Variants in ZNF804B observed in about 807,000 individuals in gnomAD.
The protein encoded by ZNF804B is zinc finger 804B.
Under a neutral mutation model 101.4 loss-of-function variants are expected in ZNF804B, and 80 were observed. The observed-to-expected ratio is 0.79, with a 90% CI of 0.66 to 0.95. ZNF804B has a LOEUF of 0.95. ZNF804B is among the 40% of genes least tolerant of loss of function. The probability of loss-of-function intolerance (pLI) is 0.00; values close to 1 mark genes in which losing one functional copy is unlikely to be tolerated. For missense variants in ZNF804B, 1,673 were observed against 1,561.9 expected (o/e 1.07, Z -1.20); for synonymous variants, 622 against 558.8 (o/e 1.11, Z -1.59).
rs1790582717 is a variant in ZNF804B at position 89,307,472 on chromosome 7, T to C, written c.250-19872T>C. On this transcript the variant is annotated intron_variant, in intron 2 of 3. Coordinates refer to ENST00000333190, the MANE Select transcript of ZNF804B (RefSeq NM_181646.5). Reference sequence around the variant, plus strand: ...CATACTTTACTGGAAAATCTGAGAATGGCCAATATTGGAACAATGCAGCTC... The same window carrying C: ...CATACTTTACTGGAAAATCTGAGAACGGCCAATATTGGAACAATGCAGCTC... Among the ~76,000 whole-genome samples, 3 of 152,122 alleles carry C rather than the reference T, an allele frequency of 2.0e-5. No homozygotes were observed. The South Asian group carries it at 6.2e-4, about 32-fold the overall frequency.
intron 1 of ZNF804B, among the ~76,000 whole-genome samples, chr7:89,168,247 A>G (rs1791172527): frequency 6.6e-6 from 1 of 152,058 alleles, no homozygotes; most frequent in Non-Finnish European, 1.5e-5. Flanking sequence ...ACACAAATCA[A>G]TGGTACTAAA....
intron 2 of ZNF804B, among the ~76,000 whole-genome samples, chr7:89,256,080 A>G (rs1176007946): frequency 6.6e-6 from 1 of 152,154 alleles, no homozygotes; most frequent in Non-Finnish European, 1.5e-5. Flanking sequence ...GATAAGAAAC[A>G]CTTTATTTTT....
At chr7:88,938,441 C>G (rs929535765) in intron 1 of ZNF804B, among the ~76,000 whole-genome samples, 1 of 151,906 alleles carries the variant, frequency 6.6e-6, no homozygotes, top group South Asian at 2.1e-4. Flanking sequence ...TTTCAAAATA[C>G]GGCAAATAAA....
chr7:88,946,493 G>T (rs1793131159), intron 1 of ZNF804B, among the ~76,000 whole-genome samples: 1 of 151,358 alleles, frequency 6.6e-6, no homozygotes, highest in Admixed American at 6.6e-5. Flanking sequence ...GATTCTGTTT[G>T]CCAGTATTTT....
chr7:88,937,045 T>A (rs773480587), intron 1 of ZNF804B, among the ~76,000 whole-genome samples: 1 of 151,176 alleles, frequency 6.6e-6, no homozygotes, highest in African/African-American at 2.4e-5. Context: ...AAATAGCAGA[T>A]TAGGCTGTTG....
intron 1 of ZNF804B, among the ~76,000 whole-genome samples, chr7:89,180,646 A>G (rs1788284561): frequency 1.3e-5 from 2 of 151,838 alleles, no homozygotes; most frequent in African/African-American, 4.8e-5. Context: ...TCCAAGTTGT[A>G]TGACAAAGAC....
rs533744407 is a variant in ZNF804B at position 89,275,633 on chromosome 7, A to G, written c.250-51711A>G. Reference sequence around the variant, plus strand: ...TATTTCAGATCTCTGATCCAATTCCATCTTTCTTAATATAGTCTTTTATAC... The same window carrying G: ...TATTTCAGATCTCTGATCCAATTCCGTCTTTCTTAATATAGTCTTTTATAC... On this transcript the variant is annotated intron_variant, in intron 2 of 3. Transcript: ENST00000333190. Among the ~76,000 whole-genome samples the G allele has an allele frequency of 9.2e-5, 14 of 151,936 alleles. No individual in the cohort carries two copies. The South Asian group carries it at 1.0e-3, about 11-fold the overall frequency.
At chr7:88,836,005 A>G (rs1791210981) in intron 1 of ZNF804B, among the ~76,000 whole-genome samples, 1 of 151,912 alleles carries the variant, frequency 6.6e-6, no homozygotes, top group Admixed American at 6.6e-5. Context: ...AAATGACAGG[A>G]TGTTGTAGCA....
intron 1 of ZNF804B, among the ~76,000 whole-genome samples, chr7:89,119,527 CAAAAT>C (rs992709219): frequency 5.3e-5 from 8 of 152,118 alleles, no homozygotes; most frequent in South Asian, 2.1e-4. Flanking sequence ...TCCTCATAGT[CAAAAT>C]AAATCAATAA....
At chr7:89,028,045 C>A (rs994356876) in intron 1 of ZNF804B, among the ~76,000 whole-genome samples, 1 of 152,188 alleles carries the variant, frequency 6.6e-6, no homozygotes, top group Non-Finnish European at 1.5e-5. Flanking sequence ...TACATATTTA[C>A]TCAACCCATG....
intron 2 of ZNF804B, among the ~76,000 whole-genome samples, chr7:89,300,993 A>G (rs1019566534): frequency 2.0e-5 from 3 of 151,596 alleles, no homozygotes; most frequent in African/African-American, 4.8e-5. Context: ...CTACTAATAT[A>G]TAACTTAGGG....
At chr7:89,234,141 G>A (rs912899110) in intron 2 of ZNF804B, among the ~76,000 whole-genome samples, 2 of 152,132 alleles carry the variant, frequency 1.3e-5, no homozygotes, top group African/African-American at 4.8e-5. Context: ...TCCAAGATAA[G>A]CCTAGCTAAT....
At chr7:89,274,299 A>C in intron 2 of ZNF804B, among the ~76,000 whole-genome samples, 1 of 110,082 alleles carries the variant, frequency 9.1e-6, no homozygotes, top group African/African-American at 3.8e-5. Flanking sequence ...TCCCAGTGCT[A>C]TCCCTCCCCC....
At chr7:88,794,037 T>A (rs1223560403) in intron 1 of ZNF804B, 1 of 576,672 alleles carries the variant, frequency 1.7e-6, no homozygotes, top group Non-Finnish European at 2.8e-6. Context: ...TAGCTCAACA[T>A]ACTCTATAAA....
chr7:89,285,047 A>G (rs1393607606), intron 2 of ZNF804B, among the ~76,000 whole-genome samples: 2 of 151,868 alleles, frequency 1.3e-5, no homozygotes, highest in Non-Finnish European at 2.9e-5. Flanking sequence ...AAATAAAAAA[A>G]TTTAAATTTA....
intron 1 of ZNF804B, among the ~76,000 whole-genome samples, chr7:89,196,890 T>G (rs932528312): frequency 5.9e-5 from 9 of 151,908 alleles, no homozygotes; most frequent in African/African-American, 2.2e-4. Flanking sequence ...CTGATCATTA[T>G]AAAAATGCAG....
At chr7:89,159,917 G>A (rs566150483) in intron 1 of ZNF804B, among the ~76,000 whole-genome samples, 1 of 152,204 alleles carries the variant, frequency 6.6e-6, no homozygotes, top group East Asian at 1.9e-4. Flanking sequence ...AACACTTTCT[G>A]AGCTCCCAAA....
At chr7:88,887,389 G>C (rs147302350) in intron 1 of ZNF804B, among the ~76,000 whole-genome samples, 2 of 152,094 alleles carry the variant, frequency 1.3e-5, no homozygotes, top group African/African-American at 4.8e-5. Flanking sequence ...TAGGTTGTCT[G>C]TTTTTATAGT....
At chr7:89,007,024 A>G (rs373386929) in intron 1 of ZNF804B, among the ~76,000 whole-genome samples, 3 of 152,090 alleles carry the variant, frequency 2.0e-5, no homozygotes, top group East Asian at 3.9e-4. Context: ...CTGGGACACG[A>G]CCTTCAGCAC....
Sources: gnomAD v4.1 joint callset for allele counts (sites outside exome capture counted in the v4.1 genomes callset) on GRCh38, gnomAD v4.1.1 for gene constraint, MANE v1.5 for transcripts, NCBI Gene and HGNC (gene_info 2026-07-23, HGNC 2026-07-21) for gene names.